Variants in ABCB5 observed in about 807,000 individuals in gnomAD.
ABCB5 encodes the protein ATP binding cassette subfamily B member 5, also known as ATP-binding cassette sub-family B member 5.
In ABCB5, 155 loss-of-function variants were observed where a neutral mutation model predicts 144.2. That is an observed-to-expected ratio of 1.08 (90% CI 0.94 to 1.23). The LOEUF (loss-of-function observed/expected upper bound fraction) is 1.23, where lower values mean the gene tolerates loss of function less well. Among genes scored for constraint, ABCB5 ranks in the 50% most tolerant of loss-of-function variants. ABCB5 has a pLI of 0.00. For synonymous variants in ABCB5, 610 were observed against 528.6 expected (o/e 1.15, Z -2.11); for missense variants, 1,830 against 1,520.8 (o/e 1.20, Z -3.38).
intron 10 of ABCB5, 54 bp downstream of exon 10, chr7:20,647,702 A>G: frequency 6.5e-7 from 1 of 1,529,684 alleles, no homozygotes; most frequent in Non-Finnish European, 8.8e-7. Flanking sequence ...AGAAGGAGAC[A>G]AAAAAACATA....
chr7:20,687,756 A>C (rs1469080977), intron 16 of ABCB5, among the ~76,000 whole-genome samples: 1 of 152,224 alleles, frequency 6.6e-6, no homozygotes, highest in Non-Finnish European at 1.5e-5. Flanking sequence ...GGACAGTGAC[A>C]GGTCTATAAT....
chr7:20,651,156 T>C (rs896859628), intron 12 of ABCB5, among the ~76,000 whole-genome samples: 10 of 152,208 alleles, frequency 6.6e-5, no homozygotes, highest in African/African-American at 2.2e-4. Context: ...CTTTATAATA[T>C]CTAACTTGTG....
intron 13 of ABCB5, among the ~76,000 whole-genome samples, chr7:20,656,593 A>G (rs927161685): frequency 1.3e-5 from 2 of 152,200 alleles, no homozygotes; most frequent in African/African-American, 2.4e-5. Flanking sequence ...GGCCAAAATT[A>G]AAAAGACTAA....
Position 20,698,561 on chromosome 7 carries a change from T to C in ABCB5, c.2154+11T>C, listed in dbSNP as rs779258421. On this transcript the variant is annotated intron_variant, in intron 17 of 27. Transcript: ENST00000404938. Reference sequence around the variant, plus strand: ...GCAAAAATTATAACCGTAAGTAAAATAAATTTGCTAATACTTTCAGCAATT... The same window carrying C: ...GCAAAAATTATAACCGTAAGTAAAACAAATTTGCTAATACTTTCAGCAATT... 4 of 1,582,426 alleles carry C rather than the reference T, an allele frequency of 2.5e-6. No individual in the cohort carries two copies. In the South Asian group the frequency reaches 3.5e-5, roughly 14 times the overall value.
chr7:20,750,848 G>A (rs1360784146), intron 26 of ABCB5, among the ~76,000 whole-genome samples: 5 of 152,126 alleles, frequency 3.3e-5, no homozygotes, highest in Admixed American at 3.3e-4. Flanking sequence ...TATCCCACAG[G>A]CATTTGGAAA....
intron 14 of ABCB5, among the ~76,000 whole-genome samples, chr7:20,661,167 C>G (rs1249405943): frequency 2.6e-5 from 4 of 152,210 alleles, no homozygotes; most frequent in African/African-American, 9.6e-5. Context: ...CCCCACCTCA[C>G]TCTAAGTAAA....
At chr7:20,659,031 T>A (rs1253015268) in intron 14 of ABCB5, 1 of 1,604,858 alleles carries the variant, frequency 6.2e-7, no homozygotes, top group Admixed American at 1.7e-5. Context: ...CATACACCTG[T>A]GGGATTCTCT....
Position 20,648,071 on chromosome 7 carries a change from C to T in ABCB5, c.1199C>T (p.Ser400Phe). ...NVSFNYPSRPSIKILKGLNLR... is the reference protein window; with the variant it reads ...NVSFNYPSRPFIKILKGLNLR... ...TCTTTCAATTATCCATCAAGACCAT[C>T]TATCAAGGTAGGTTAAAACAAATTA... Residue 400 changes from serine to phenylalanine, a missense_variant, in exon 11 of 28, where the codon TCT (serine) becomes TTT (phenylalanine). Transcript: ENST00000404938. 1 of 1,581,710 alleles carries T rather than the reference C, an allele frequency of 6.3e-7. No individual in the cohort carries two copies. The highest frequency in any genetic ancestry group is 8.7e-7 in the Non-Finnish European group (1 of 1,152,180).
intron 23 of ABCB5, among the ~76,000 whole-genome samples, chr7:20,729,760 G>A (rs991503977): frequency 6.6e-6 from 1 of 152,154 alleles, no homozygotes; most frequent in Non-Finnish European, 1.5e-5. Flanking sequence ...ACCAAAAAAT[G>A]CACATCCATG....
intron 21 of ABCB5, among the ~76,000 whole-genome samples, chr7:20,723,551 T>C (rs1171159966): frequency 1.3e-5 from 2 of 152,240 alleles, no homozygotes; most frequent in African/African-American, 4.8e-5. Flanking sequence ...ATCTGCAAAG[T>C]GGGAATAATA....
At chr7:20,629,246 GA>G (rs1391729385) in intron 4 of ABCB5, among the ~76,000 whole-genome samples, 1 of 151,828 alleles carries the variant, frequency 6.6e-6, no homozygotes, top group Admixed American at 6.6e-5. Flanking sequence ...GTGAGTTCAA[GA>G]GGGTGGGCTG....
rs548736374 is a variant in ABCB5, at chr7:20,670,928, A to G, written c.1708-10577A>G. On this transcript the variant is annotated intron_variant, in intron 14 of 27. Coordinates refer to ENST00000404938, the MANE Select transcript of ABCB5 (RefSeq NM_001163941.2). ...CCACCTGAAATAAAAAGAAAAAAAG[A>G]AAAGCAAGAAGCAAGCAATAAAAAC... 2.0e-5 allele frequency among the ~76,000 whole-genome samples: 3 copies of G among 152,356 alleles called. No homozygotes were observed. The East Asian group carries it at 5.8e-4, about 29-fold the overall frequency.
chr7:20,738,607 G>C (rs1181413198), intron 23 of ABCB5, among the ~76,000 whole-genome samples: 1 of 152,156 alleles, frequency 6.6e-6, no homozygotes, highest in African/African-American at 2.4e-5. Context: ...TGTAAATCCA[G>C]ATCTCACTAC....
chr7:20,651,636 T>G lies in ABCB5; in HGVS notation c.1536+13T>G. On this transcript the variant is annotated intron_variant, in intron 13 of 27. Coordinates refer to ENST00000404938, the MANE Select transcript of ABCB5 (RefSeq NM_001163941.2). Reference sequence around the variant, plus strand: ...GGAGTTTCCTAATGTGAGTACACTGTGCAGCCTGTGTCCTTAGCTTATGGT... The same window carrying G: ...GGAGTTTCCTAATGTGAGTACACTGGGCAGCCTGTGTCCTTAGCTTATGGT... 1 of 1,613,186 alleles carries G rather than the reference T, an allele frequency of 6.2e-7. No homozygotes were observed. The highest frequency in any genetic ancestry group is 8.5e-7 in the Non-Finnish European group (1 of 1,179,194).
intron 5 of ABCB5, 97 bp from the exon 6 acceptor site, chr7:20,643,087 T>C (rs1244431945): frequency 5.8e-6 from 6 of 1,039,142 alleles, no homozygotes; most frequent in African/African-American, 4.8e-5. Context: ...AGTTCTAGCA[T>C]AAATTTCCTC....
chr7:20,701,723 T>A (rs1234849038), intron 19 of ABCB5, among the ~76,000 whole-genome samples: 3 of 152,252 alleles, frequency 2.0e-5, no homozygotes, highest in African/African-American at 7.2e-5. Flanking sequence ...AAATATCATG[T>A]ACATACTCAC....
At chr7:20,684,115 G>A (rs1785915528) in intron 15 of ABCB5, among the ~76,000 whole-genome samples, 1 of 152,110 alleles carries the variant, frequency 6.6e-6, no homozygotes, top group Admixed American at 6.5e-5. Context: ...ATTATTGTTA[G>A]TGTAATAAAT....
At chr7:20,700,611 A>T (rs1402115106) in intron 19 of ABCB5, among the ~76,000 whole-genome samples, 2 of 152,214 alleles carry the variant, frequency 1.3e-5, no homozygotes, top group African/African-American at 2.4e-5. Flanking sequence ...GAACTCAGAT[A>T]ACATCGGTCT....
chr7:20,632,429 T>G (rs545883924), intron 5 of ABCB5, among the ~76,000 whole-genome samples: 3 of 152,188 alleles, frequency 2.0e-5, no homozygotes, highest in Non-Finnish European at 4.4e-5. Flanking sequence ...GACTTGATTT[T>G]CCTTCTAAAA....
Sources: allele counts gnomAD v4.1 joint callset (sites outside exome capture counted in the v4.1 genomes callset), GRCh38; gene constraint gnomAD v4.1.1; transcripts MANE v1.5; gene names NCBI Gene and HGNC (gene_info 2026-07-23, HGNC 2026-07-21).